The following TMEM232 variants were observed in gnomAD, a reference collection of about 807,000 sequenced individuals.
The protein encoded by TMEM232 is transmembrane protein 232.
Under a neutral mutation model 78.8 loss-of-function variants are expected in TMEM232, and 80 were observed. That is an observed-to-expected ratio of 1.01 (90% CI 0.85 to 1.22). The LOEUF is 1.22. Among genes scored for constraint, TMEM232 ranks in the 50% most tolerant of loss-of-function variants. The pLI is 0.00. For synonymous variants in TMEM232, 297 were observed against 254.3 expected (o/e 1.17, Z -1.60); for missense variants, 881 against 742.2 (o/e 1.19, Z -2.17).
In TMEM232 at chr5:110,420,737, A is replaced by C. The variant is rs533058323; in HGVS notation, c.1817T>G (p.Ile606Ser). The change falls in exon 14 of 14, where the codon ATC (isoleucine) becomes AGC (serine). Residue 606 changes from isoleucine (I) to serine (S), a missense_variant. By Grantham distance (142) the Ile-to-Ser change is moderately radical. Coordinates refer to ENST00000455884, the MANE Select transcript of TMEM232 (RefSeq NM_001039763.4). ...GCATATTGCATCTTCTTTTTCTCGG[A>C]TCTTTAGCTCTTCCTGCCACTGTTA... ...IDHHWQEELK[I>S]REKEDAICKA... is the part of the protein sequence containing the mutation. 2 of 1,521,334 alleles carry C rather than the reference A, an allele frequency of 1.3e-6. No homozygotes were observed. Among genetic ancestry groups the C allele is most frequent in the Non-Finnish European group, 1.8e-6 (2 of 1,142,650 alleles). 94.2% of individuals were successfully genotyped at this position (1,521,334 alleles called of 1,614,324 possible).
chr5:110,448,144 T>C (rs997815802), intron 12 of TMEM232, among the ~76,000 whole-genome samples: 1 of 152,076 alleles, frequency 6.6e-6, no homozygotes, highest in African/African-American at 2.4e-5. Flanking sequence ...TATTAGTTTA[T>C]GTATATAAAG....
At chr5:110,731,349 C>A (rs1257619845), upstream of TMEM232, among the ~76,000 whole-genome samples, 1 of 152,190 alleles carries the variant, frequency 6.6e-6, no homozygotes, top group Non-Finnish European at 1.5e-5. Context: ...GCCCTCTTCT[C>A]ATAGCTCCAA....
chr5:110,645,186 GC>G (rs2150033758), intron 2 of TMEM232, among the ~76,000 whole-genome samples: 1 of 151,592 alleles, frequency 6.6e-6, no homozygotes, highest in African/African-American at 2.4e-5. Context: ...TTAAACTCTT[GC>G]AAAAAATACA....
At chr5:110,587,111 A>G (rs1265549076) in intron 10 of TMEM232, among the ~76,000 whole-genome samples, 1 of 152,114 alleles carries the variant, frequency 6.6e-6, no homozygotes, top group Non-Finnish European at 1.5e-5. Context: ...CATTTTAAAT[A>G]AGGACAGAAG....
chr5:110,605,447 C>A, intron 9 of TMEM232, 89 bp from the exon 10 acceptor site: 1 of 1,368,786 alleles, frequency 7.3e-7, no homozygotes, highest in South Asian at 1.6e-5. Flanking sequence ...TGTTAAAAGA[C>A]CATAATAAAC....
At chr5:110,399,431 A>C (rs963910722) in intron 2 of TMEM232, among the ~76,000 whole-genome samples, 6 of 152,178 alleles carry the variant, frequency 3.9e-5, no homozygotes, top group Admixed American at 2.6e-4. Flanking sequence ...AACCCAGAGA[A>C]AATATGCTTA....
rs1216464033 is a variant in TMEM232, at chr5:110,389,776, AAC to A, written n.615+638_615+639del. ...CCATGTTTCCACTGGAGCTTGGGAAAACACAGACACTAGAAATAAATGGCCCA... is the reference window on the plus strand; with the variant it reads ...CCATGTTTCCACTGGAGCTTGGGAAAACAGACACTAGAAATAAATGGCCCA... On this transcript the variant is annotated intron_variant and non_coding_transcript_variant, in intron 4 of 8. Coordinates refer to the TMEM232 transcript ENST00000507188. 3.3e-5 allele frequency among the ~76,000 whole-genome samples: 5 copies of A among 152,334 alleles called. No homozygotes were observed. The East Asian group carries it at 9.7e-4, about 29-fold the overall frequency.
intron 12 of TMEM232, among the ~76,000 whole-genome samples, chr5:110,524,574 A>T (rs1037539806): frequency 6.6e-6 from 1 of 152,150 alleles, no homozygotes; most frequent in Admixed American, 6.5e-5. Context: ...CATGTGATCT[A>T]TGCTGGAGAA....
chr5:110,697,107 C>A (rs1046774709), intron 1 of TMEM232, among the ~76,000 whole-genome samples: 2 of 152,064 alleles, frequency 1.3e-5, no homozygotes, highest in African/African-American at 4.8e-5. Context: ...GAGATACAGA[C>A]CAACGGAACA....
rs374301076 is a variant in TMEM232 at position 110,622,646 on chromosome 5, A to T, written c.768+2621T>A. ...TTGCTATCGTGAATAATGCCGCAAT[A>T]AACATACGTGTGCATGTGTCTTTAT... On this transcript the variant is annotated intron_variant, in intron 7 of 13. Transcript: ENST00000455884. Among the ~76,000 whole-genome samples the T allele has an allele frequency of 5.7e-3, 874 of 152,206 alleles. 8 individuals carry two copies. Among genetic ancestry groups the T allele is most frequent in the African/African-American group, 0.02 (826 of 41,524 alleles).
intron 2 of TMEM232, among the ~76,000 whole-genome samples, chr5:110,402,769 C>G (rs1755650222): frequency 6.6e-6 from 1 of 152,080 alleles, no homozygotes; most frequent in Admixed American, 6.6e-5. Flanking sequence ...TCCAGATAGC[C>G]TACAATGAAT....
intron 12 of TMEM232, among the ~76,000 whole-genome samples, chr5:110,522,264 G>A (rs1769638335): frequency 6.6e-6 from 1 of 152,004 alleles, no homozygotes; most frequent in South Asian, 2.1e-4. Flanking sequence ...TTTATTTGTT[G>A]ACTCTGTATC....
intron 12 of TMEM232, among the ~76,000 whole-genome samples, chr5:110,498,624 A>T (rs1242890092): frequency 6.6e-6 from 1 of 152,168 alleles, no homozygotes; most frequent in East Asian, 1.9e-4. Flanking sequence ...ACTGGGTGAT[A>T]ACATAAACAT....
intron 1 of TMEM232, among the ~76,000 whole-genome samples, chr5:110,694,774 C>A (rs902556854): frequency 1.3e-5 from 2 of 152,062 alleles, no homozygotes; most frequent in African/African-American, 4.8e-5. Context: ...TATATGCACC[C>A]AATACAGGAG....
intron 1 of TMEM232, among the ~76,000 whole-genome samples, chr5:110,724,184 A>C (rs1020238536): frequency 3.9e-5 from 6 of 152,166 alleles, no homozygotes; most frequent in African/African-American, 1.4e-4. Flanking sequence ...AAGTACTTTC[A>C]CATACTTTAT....
chr5:110,408,877 A>G (rs1222903267), intron 2 of TMEM232, among the ~76,000 whole-genome samples: 1 of 152,148 alleles, frequency 6.6e-6, no homozygotes, highest in African/African-American at 2.4e-5. Flanking sequence ...CACTCATCAC[A>G]GGTGGAGGAT....
chr5:110,668,851 A>C (rs1192942905), intron 1 of TMEM232, among the ~76,000 whole-genome samples: 1 of 152,234 alleles, frequency 6.6e-6, no homozygotes, highest in Admixed American at 6.5e-5. Flanking sequence ...ACTGCCTGGA[A>C]ACTGAACAAC....
intron 2 of TMEM232, among the ~76,000 whole-genome samples, chr5:110,404,589 T>A (rs1009736852): frequency 6.6e-6 from 1 of 152,082 alleles, no homozygotes; most frequent in Non-Finnish European, 1.5e-5. Flanking sequence ...AATTTAATGA[T>A]GAATATTTAT....
intron 7 of TMEM232, among the ~76,000 whole-genome samples, chr5:110,624,323 A>G (rs1784139340): frequency 6.6e-6 from 1 of 152,024 alleles, no homozygotes; most frequent in East Asian, 1.9e-4. Context: ...TGCAATCTTT[A>G]TAACAACCCT....
Sources: allele counts gnomAD v4.1 joint callset (sites outside exome capture counted in the v4.1 genomes callset), GRCh38; gene constraint gnomAD v4.1.1; transcripts MANE v1.5; gene names NCBI Gene and HGNC (gene_info 2026-07-23, HGNC 2026-07-21).